Variants in AP3B1 observed in about 807,000 individuals in gnomAD.
AP3B1 encodes adaptor related protein complex 3 subunit beta 1, also known as AP-3 complex subunit beta-1.
In AP3B1, 61 loss-of-function variants were observed where a neutral mutation model predicts 132.5. The observed-to-expected ratio is 0.46, with a 90% confidence interval of 0.37 to 0.57. The LOEUF is 0.57. Ranked by LOEUF, AP3B1 falls within the 20% of genes least tolerant of loss-of-function variation. AP3B1 has a pLI of 0.00. For synonymous variants in AP3B1, 388 were observed against 438.3 expected, an observed-to-expected ratio of 0.89 and a Z score of 1.43; for missense variants, 1,120 against 1,289.4, an observed-to-expected ratio of 0.87 and a Z score of 2.01.
intron 2 of AP3B1, among the ~76,000 whole-genome samples, chr5:78,259,669 T>TA (rs1388952635): frequency 1.3e-5 from 2 of 152,002 alleles, no homozygotes; most frequent in Admixed American, 6.6e-5. Context: ...CCACTAAAAT[T>TA]AAAAATACAT....
Position 78,161,215 on chromosome 5 carries a change from GAAATT to G in AP3B1, c.1363+1599_1363+1603del, listed in dbSNP as rs1258478418. On this transcript the variant is annotated intron_variant, in intron 13 of 26. Coordinates refer to ENST00000255194, the MANE Select transcript of AP3B1 (RefSeq NM_003664.5). ...TAAAGTCAATAAAAATATTTTTTGAGAAATTAAATCTGAAGCAGAAATAACTGCTT... is the reference window on the plus strand; with the variant it reads ...TAAAGTCAATAAAAATATTTTTTGAGAAATCTGAAGCAGAAATAACTGCTT... Among the ~76,000 whole-genome samples, 3 of 151,814 alleles carry G rather than the reference GAAATT, an allele frequency of 2.0e-5. No individual in the cohort carries two copies. In the East Asian group the frequency reaches 5.8e-4, roughly 29 times the overall value.
chr5:78,262,696 T>C (rs527660199), intron 2 of AP3B1, among the ~76,000 whole-genome samples: 12 of 152,050 alleles, frequency 7.9e-5, no homozygotes, highest in Admixed American at 2.6e-4. Context: ...TTTTTTTTTT[T>C]TGAGACAGGG....
rs559024395 is a variant in AP3B1 at position 78,208,152 on chromosome 5, C to A, written c.786+7903G>T. On this transcript the variant is annotated intron_variant, in intron 7 of 26. Coordinates refer to ENST00000255194, the MANE Select transcript of AP3B1 (RefSeq NM_003664.5). ...GAAATAGGATTCAACACAGAAGAGA[C>A]ATGAAATTAAGTTCTAGAAAAACAG... 3.2e-4 allele frequency among the ~76,000 whole-genome samples: 49 copies of A among 152,132 alleles called. 1 individual carries two copies. Among genetic ancestry groups the A allele is most frequent in the Admixed American group, 2.1e-3 (32 of 15,268 alleles).
intron 21 of AP3B1, among the ~76,000 whole-genome samples, chr5:78,095,905 T>C (rs1750749873): frequency 6.6e-6 from 1 of 152,234 alleles, no homozygotes; most frequent in Non-Finnish European, 1.5e-5. Flanking sequence ...CTATATCCTA[T>C]ATTGAGTTAA....
intron 2 of AP3B1, among the ~76,000 whole-genome samples, chr5:78,258,497 C>T (rs557064930): frequency 1.3e-5 from 2 of 152,010 alleles, no homozygotes; most frequent in Non-Finnish European, 2.9e-5. Context: ...ATCATCTCAC[C>T]CCAGTTAAAA....
intron 13 of AP3B1, 92 bp from the exon 14 acceptor site, chr5:78,156,459 A>G (rs1247739163): frequency 2.1e-6 from 2 of 942,128 alleles, no homozygotes; most frequent in African/African-American, 3.3e-5. Flanking sequence ...TTAGAAAAAC[A>G]TTCTATTTAA....
chr5:78,083,274 C>T (rs1750095068), intron 22 of AP3B1, among the ~76,000 whole-genome samples: 1 of 152,046 alleles, frequency 6.6e-6, no homozygotes, highest in South Asian at 2.1e-4. Context: ...TGATGTTTAC[C>T]AGTTAAAGCA....
At chr5:78,258,696 A>G (rs553007572) in intron 2 of AP3B1, among the ~76,000 whole-genome samples, 10 of 152,366 alleles carry the variant, frequency 6.6e-5, no homozygotes, top group Non-Finnish European at 1.5e-4. Context: ...TGCTGGGTAC[A>G]ACCCAAAAGA....
At chr5:78,213,086 A>G (rs1580494573) in intron 7 of AP3B1, among the ~76,000 whole-genome samples, 1 of 151,848 alleles carries the variant, frequency 6.6e-6, no homozygotes, top group African/African-American at 2.4e-5. Context: ...TCACCGTGTT[A>G]GCCAGGATGG....
At chr5:78,213,809 C>CAAT (rs1437833131) in intron 7 of AP3B1, among the ~76,000 whole-genome samples, 1 of 152,136 alleles carries the variant, frequency 6.6e-6, no homozygotes. Context: ...ACAACAACAA[C>CAAT]AATAATAGGA....
chr5:78,232,494 T>C (rs1205684379), intron 3 of AP3B1, among the ~76,000 whole-genome samples: 1 of 152,116 alleles, frequency 6.6e-6, no homozygotes, highest in East Asian at 1.9e-4. Flanking sequence ...ACCCTGAAAG[T>C]CCATCAATCC....
chr5:78,238,621 G>A (rs947117184), intron 3 of AP3B1, among the ~76,000 whole-genome samples: 2 of 151,930 alleles, frequency 1.3e-5, no homozygotes, highest in African/African-American at 4.8e-5. Flanking sequence ...TCTAAACATA[G>A]AAAAAGTACA....
intron 23 of AP3B1, among the ~76,000 whole-genome samples, chr5:78,035,079 G>T (rs1250534717): frequency 6.6e-6 from 1 of 151,840 alleles, no homozygotes; most frequent in Non-Finnish European, 1.5e-5. Context: ...ACATTTGATA[G>T]ATTTGGAATT....
intron 20 of AP3B1, among the ~76,000 whole-genome samples, chr5:78,109,065 G>A (rs558502323): frequency 2.6e-5 from 4 of 152,036 alleles, no homozygotes; most frequent in Non-Finnish European, 5.9e-5. Flanking sequence ...TATGAAATGA[G>A]AGTACATCAG....
At chr5:78,218,009 G>C (rs1337401963) in intron 6 of AP3B1, among the ~76,000 whole-genome samples, 1 of 151,876 alleles carries the variant, frequency 6.6e-6, no homozygotes, top group Non-Finnish European at 1.5e-5. Context: ...TAATTCTAAA[G>C]TACTAACACC....
chr5:78,118,259 G>A (rs992362264), intron 17 of AP3B1, among the ~76,000 whole-genome samples: 8 of 152,326 alleles, frequency 5.3e-5, no homozygotes, highest in African/African-American at 9.6e-5. Flanking sequence ...CAGCGTGAGC[G>A]ACGCAGAAGA....
intron 3 of AP3B1, among the ~76,000 whole-genome samples, chr5:78,236,701 T>TA (rs1182055622): frequency 6.6e-6 from 1 of 152,208 alleles, no homozygotes; most frequent in Non-Finnish European, 1.5e-5. Flanking sequence ...CAGGTTTTTT[T>TA]AATGTTAGCA....
chr5:78,115,482 C>T (rs1751784880), intron 18 of AP3B1, among the ~76,000 whole-genome samples: 1 of 152,124 alleles, frequency 6.6e-6, no homozygotes, highest in South Asian at 2.1e-4. Flanking sequence ...AGAATTTTAG[C>T]AATGAAGGGA....
At position 78,280,919 on chromosome 5, in the gene AP3B1, C is replaced by T. The variant is rs535215089; in HGVS notation, c.129-13324G>A. Among the ~76,000 whole-genome samples the T allele has an allele frequency of 2.0e-5, 3 of 152,196 alleles. No individual in the cohort carries two copies. The South Asian group carries it at 6.2e-4, about 32-fold the overall frequency. Reference sequence around the variant, plus strand: ...AACAATGTGAATATAGTTAACACTACTGAATTGTACACTCAAAAATGGTTA... The same window carrying T: ...AACAATGTGAATATAGTTAACACTATTGAATTGTACACTCAAAAATGGTTA... On this transcript the variant is annotated intron_variant, in intron 1 of 26. Transcript: ENST00000255194.
Sources: allele counts gnomAD v4.1 joint callset (sites outside exome capture counted in the v4.1 genomes callset), GRCh38; gene constraint gnomAD v4.1.1; transcripts MANE v1.5; gene names NCBI Gene and HGNC (gene_info 2026-07-23, HGNC 2026-07-21).